TLK1: variants seen among roughly 807,000 people sequenced by gnomAD.
TLK1 encodes the protein serine/threonine-protein kinase tousled-like 1.
In TLK1, 24 loss-of-function variants were observed where a neutral mutation model predicts 105.3. The ratio of observed to expected loss-of-function variants is 0.23; its 90% CI spans 0.17 to 0.32. TLK1 has a LOEUF of 0.32. Among genes scored for constraint, TLK1 ranks in the 10% least tolerant of loss-of-function variants. The pLI is 1.00. For missense variants in TLK1, 558 were observed against 910.5 expected (o/e 0.61, Z 4.98); for synonymous variants, 321 against 310.4 (o/e 1.03, Z -0.36).
rs76086114 is a variant in TLK1 at position 171,128,462 on chromosome 2, A to T, written c.140-10605T>A. On this transcript the variant is annotated intron_variant, in intron 1 of 20. Transcript: ENST00000431350. ...AAGTTTCTATGAATAGTTTTGAACTAAATCTGTCACTTAGAAAGCATTCAA... is the reference window on the plus strand; with the variant it reads ...AAGTTTCTATGAATAGTTTTGAACTTAATCTGTCACTTAGAAAGCATTCAA... Among the ~76,000 whole-genome samples the T allele has an allele frequency of 2.2e-3, 338 of 152,326 alleles. 5 individuals are homozygous for T. The East Asian group carries it at 0.042, about 19-fold the overall frequency.
intron 2 of TLK1, among the ~76,000 whole-genome samples, chr2:171,117,489 T>C (rs551468974): frequency 6.6e-6 from 1 of 152,174 alleles, no homozygotes; most frequent in Non-Finnish European, 1.5e-5. Context: ...GATAAGAAAC[T>C]ACATAGTGGG....
rs199535723 is a variant in TLK1, at chr2:171,203,583, A to C, written c.-6+27562T>G. Reference sequence around the variant, plus strand: ...TGTATAAACCACATTTTGTTTATCCATTCATTCATTGATGGGCACTTGGGT... The same window carrying C: ...TGTATAAACCACATTTTGTTTATCCCTTCATTCATTGATGGGCACTTGGGT... On this transcript the variant is annotated intron_variant, in intron 1 of 20. Transcript: ENST00000521943. Among the ~76,000 whole-genome samples the C allele has an allele frequency of 2.6e-5, 4 of 152,348 alleles. No homozygotes were observed. In the East Asian group the frequency reaches 7.7e-4, roughly 29 times the overall value.
chr2:171,102,345 TATA>T (rs1264354954), intron 2 of TLK1, among the ~76,000 whole-genome samples: 5 of 152,348 alleles, frequency 3.3e-5, no homozygotes, highest in African/African-American at 9.6e-5. Flanking sequence ...TTACCTTAAA[TATA>T]ATATTTTCTT....
intron 14 of TLK1, 58 bp from the exon 15 acceptor site, chr2:171,007,121 T>C (rs1052060521): frequency 7.0e-7 from 1 of 1,428,326 alleles, no homozygotes; most frequent in South Asian, 1.3e-5. Flanking sequence ...GCTGAAGAGA[T>C]GTTTTTTATT....
At chr2:171,213,164 A>G (rs539983502) in intron 1 of TLK1, among the ~76,000 whole-genome samples, 1 of 151,910 alleles carries the variant, frequency 6.6e-6, no homozygotes, top group Non-Finnish European at 1.5e-5. Context: ...GCTAGACTAC[A>G]GGGCTCTATA....
At chr2:171,204,180 C>T (rs983496803) in intron 1 of TLK1, among the ~76,000 whole-genome samples, 14 of 152,098 alleles carry the variant, frequency 9.2e-5, no homozygotes, top group Admixed American at 3.3e-4. Flanking sequence ...ATTTAGAGAT[C>T]GATTAGAATA....
intron 10 of TLK1, 126 bp downstream of exon 10, chr2:171,049,688 A>T: frequency 1.7e-6 from 2 of 1,162,410 alleles, no homozygotes; most frequent in Non-Finnish European, 2.4e-6. Context: ...TCCCTTTCAA[A>T]GGTACTAAAT....
In TLK1 at chr2:171,046,754, G is replaced by A. The variant is rs73976243; in HGVS notation, c.981-392C>T. 4.1e-3 allele frequency among the ~76,000 whole-genome samples: 621 copies of A among 152,202 alleles called. 5 individuals carry two copies. Among genetic ancestry groups the A allele is most frequent in the Middle Eastern group, 0.024 (7 of 294 alleles). ...TATACTGTTGTATCCCTAGTACCTA[G>A]TGTAGTGATCATCACTTACCTTTGC... On this transcript the variant is annotated intron_variant, in intron 10 of 20. Coordinates refer to ENST00000431350, the MANE Select transcript of TLK1 (RefSeq NM_012290.5).
At chr2:171,062,825 C>T (rs1687818380) in intron 3 of TLK1, among the ~76,000 whole-genome samples, 1 of 152,074 alleles carries the variant, frequency 6.6e-6, no homozygotes, top group African/African-American at 2.4e-5. Flanking sequence ...TCAATATGTC[C>T]AATGAAATGC....
rs1190915455 is a variant in TLK1 at position 171,025,650 on chromosome 2, A to G, written c.1236+2689T>C. 7.9e-5 allele frequency among the ~76,000 whole-genome samples: 12 copies of G among 152,230 alleles called. No homozygotes were observed. The East Asian group carries it at 2.1e-3, about 27-fold the overall frequency. On this transcript the variant is annotated intron_variant, in intron 12 of 20. Coordinates refer to ENST00000431350, the MANE Select transcript of TLK1 (RefSeq NM_012290.5). The stretch of plus-strand genomic sequence containing the variant: ...ATAAACCCAGGAGCATAGGGAGCTG[A>G]TAAGACAGAAGTGATAACATCTTTT...
intron 3 of TLK1, among the ~76,000 whole-genome samples, chr2:171,067,309 G>A (rs967575220): frequency 7.0e-6 from 1 of 142,428 alleles, no homozygotes; most frequent in Admixed American, 7.3e-5. Context: ...ACAGGCACCC[G>A]CCACCACACC....
chr2:170,996,693 A>G lies in TLK1; in HGVS notation c.2084T>C (p.Val695Ala). Residue 695 changes from valine to alanine, a missense_variant, in exon 20 of 21, where the codon GTC (valine) becomes GCC (alanine). Coordinates refer to ENST00000431350, the MANE Select transcript of TLK1 (RefSeq NM_012290.5). The stretch of plus-strand genomic sequence containing the variant: ...TACAACCGGTTTTACAGGGAACTGG[A>G]CTTCTGTGGCTTTTAATATTGTATT... Reference protein sequence around the residue: ...QENTILKATEVQFPVKPVVSS... With the variant: ...QENTILKATEAQFPVKPVVSS... 1.2e-6 allele frequency: 2 copies of G among 1,613,912 alleles called. No individual in the cohort carries two copies. The highest frequency in any genetic ancestry group is 2.2e-5 in the East Asian group (1 of 44,874).
intron 1 of TLK1, among the ~76,000 whole-genome samples, chr2:171,216,476 AAAAAC>A (rs535852713): frequency 6.6e-6 from 1 of 152,196 alleles, no homozygotes; most frequent in South Asian, 2.1e-4. Context: ...ACTCCGTCTC[AAAAAC>A]AAAACAAAAC....
chr2:171,207,028 T>A (rs958832260), intron 1 of TLK1, among the ~76,000 whole-genome samples: 5 of 152,222 alleles, frequency 3.3e-5, no homozygotes, highest in African/African-American at 1.2e-4. Flanking sequence ...TACCATACAG[T>A]CTAGCAATCA....
At chr2:171,227,503 T>C (rs1693919480) in intron 1 of TLK1, among the ~76,000 whole-genome samples, 1 of 149,354 alleles carries the variant, frequency 6.7e-6, no homozygotes, top group Non-Finnish European at 1.5e-5. Flanking sequence ...GTCCAAATAA[T>C]CTGGGAGTCA....
chr2:170,999,520 G>C (rs573032416), intron 18 of TLK1, among the ~76,000 whole-genome samples: 2 of 152,180 alleles, frequency 1.3e-5, no homozygotes, highest in African/African-American at 4.8e-5. Flanking sequence ...AGAAATTGAC[G>C]TCAAAGTAAC....
At chr2:171,172,673 C>G (rs1692752136) in intron 1 of TLK1, among the ~76,000 whole-genome samples, 3 of 152,096 alleles carry the variant, frequency 2.0e-5, no homozygotes, top group Non-Finnish European at 2.9e-5. Flanking sequence ...TCCCCCATTT[C>G]TCTCTCTTGC....
At chr2:171,184,233 C>T (rs1332017748) in intron 1 of TLK1, among the ~76,000 whole-genome samples, 1 of 152,162 alleles carries the variant, frequency 6.6e-6, no homozygotes, top group African/African-American at 2.4e-5. Flanking sequence ...AAGCAGAAAG[C>T]CCTGCTGACA....
chr2:171,194,419 T>A (rs992523081), intron 1 of TLK1, among the ~76,000 whole-genome samples: 4 of 152,228 alleles, frequency 2.6e-5, no homozygotes, highest in Admixed American at 2.0e-4. Flanking sequence ...GTCGATCATT[T>A]ATTATGTATC....
Sources: allele counts gnomAD v4.1 joint callset (sites outside exome capture counted in the v4.1 genomes callset), GRCh38; gene constraint gnomAD v4.1.1; transcripts MANE v1.5; gene names NCBI Gene and HGNC (gene_info 2026-07-23, HGNC 2026-07-21).